The following DOK7 variants were observed in gnomAD, a reference collection of about 807,000 sequenced individuals.
DOK7 encodes the protein protein Dok-7.
Under a neutral mutation model 30.7 loss-of-function variants are expected in DOK7, and 32 were observed. The ratio of observed to expected loss-of-function variants is 1.04; its 90% CI spans 0.79 to 1.40. The LOEUF is 1.40. DOK7 is among the 40% of genes most tolerant of loss of function. The pLI, the probability that DOK7 is intolerant of heterozygous loss-of-function variation, is 0.00. For missense variants in DOK7, 1,007 were observed against 699.2 expected (o/e 1.44, Z -4.97); for synonymous variants, 447 against 324.1 (o/e 1.38, Z -4.07).
chr4:3,469,251 G>T (rs902406083), intron 2 of DOK7, among the ~76,000 whole-genome samples: 2 of 152,014 alleles, frequency 1.3e-5, no homozygotes, highest in Non-Finnish European at 2.9e-5. Flanking sequence ...GTTCCACATG[G>T]TCTCTGTGCC....
chr4:3,490,448 C>CT (rs1728239257), intron 6 of DOK7, among the ~76,000 whole-genome samples: 9 of 101,616 alleles, frequency 8.9e-5, no homozygotes, highest in African/African-American at 1.3e-4. Flanking sequence ...TCATTTCTCT[C>CT]CTGCTCATTC....
At position 3,500,058 on chromosome 4, in the gene DOK7, G is replaced by C. The variant is rs76371512; in HGVS notation, c.1109-193G>C. On this transcript the variant is annotated intron_variant, in intron 6 of 7. Coordinates refer to the DOK7 transcript ENST00000643608. ...CTTGGACCAGGAGTGGACAGTGTGG[G>C]GGGGGCCTCAGGATGGGGCAGCGCT... 0.094 allele frequency among the ~76,000 whole-genome samples: 14,346 copies of C among 151,982 alleles called. 914 individuals carry two copies. Among genetic ancestry groups the C allele is most frequent in the Non-Finnish European group, 0.13 (9,033 of 67,918 alleles).
At position 3,500,739 on chromosome 4, in the gene DOK7, A is replaced by ACGGCGCACAGAGTGGGGGTG; in HGVS notation, c.1314_1333dup (p.His445ArgfsTer123). 6.5e-7 allele frequency: 1 copy of ACGGCGCACAGAGTGGGGGTG among 1,535,426 alleles called. No homozygotes were observed. Among genetic ancestry groups the ACGGCGCACAGAGTGGGGGTG allele is most frequent in the African/African-American group, 1.4e-5 (1 of 73,114 alleles). On this transcript the variant is annotated frameshift_variant, in exon 8 of 8. Coordinates refer to the DOK7 transcript ENST00000643608. LOFTEE classifies it low-confidence loss of function (END_TRUNC). The stretch of plus-strand genomic sequence containing the variant: ...CCAGATCGACATCATGGCCACCGAG[A>ACGGCGCACAGAGTGGGGGTG]CGGCGCACAGAGTGGGGGTGCGGCA...
Position 3,489,785 on chromosome 4 carries a change from C to G in DOK7, c.761C>G (p.Pro254Arg), listed in dbSNP as rs200407250. ...AGCCTCCTCTCACATGCGGGCAGGC[C>G]GGGCAGTGGAGGTAGGGCCGGGGGC... is the stretch of plus-strand genomic sequence containing the variant. ...RLSLLSHAGR[P>R]GSGGDDRSLS... The change falls in exon 6 of 7, where the codon CCG (proline) becomes CGG (arginine). Residue 254 changes from proline (P) to arginine (R), a missense_variant. Physicochemically the swap from Pro to Arg is moderately radical, Grantham distance 103. Transcript: ENST00000340083. 3.5e-5 allele frequency: 55 copies of G among 1,574,152 alleles called. No homozygotes were observed. The highest frequency in any genetic ancestry group is 3.3e-4 in the Middle Eastern group (2 of 6,010).
chr4:3,476,352 C>A lies in DOK7; in HGVS notation c.342C>A (p.Phe114Leu), dbSNP rs771099758. The change falls in exon 4 of 7, where the codon TTC becomes TTA. Residue 114 changes from phenylalanine to leucine, a missense_variant. Phe to Leu is a conservative substitution (Grantham distance 22). Transcript: ENST00000340083. ...IRYALGEVHR[F>L]HVTVAPGTKL... ...CCCGCCTGCCCGCAGTGCATAGGTTCCATGTGACAGTGGCTCCAGGCACCA... is the reference window on the plus strand; with the variant it reads ...CCCGCCTGCCCGCAGTGCATAGGTTACATGTGACAGTGGCTCCAGGCACCA... 1 of 1,598,412 alleles carries A rather than the reference C, an allele frequency of 6.3e-7. No homozygotes were observed. The highest frequency in any genetic ancestry group is 8.5e-7 in the Non-Finnish European group (1 of 1,171,754).
chr4:3,492,935 C>G lies in DOK7; in HGVS notation c.949C>G (p.Pro317Ala). 1 of 1,557,502 alleles carries G rather than the reference C, an allele frequency of 6.4e-7. No individual in the cohort carries two copies. The highest frequency in any genetic ancestry group is 8.7e-7 in the Non-Finnish European group (1 of 1,154,608). The change falls in exon 7 of 7, where the codon CCA becomes GCA. Residue 317 changes from proline to alanine, a missense_variant. By Grantham distance (27) the Pro-to-Ala change is conservative. Transcript: ENST00000340083. ...AGEAMVGASR[P>A]PPKPLRPRQL... ...GGAAGCCATGGTGGGTGCCTCAAGG[C>G]CACCCCCCAAGCCGCTGCGTCCGCG... is the stretch of plus-strand genomic sequence containing the variant.
chr4:3,479,678 G>A (rs539407714), intron 4 of DOK7, among the ~76,000 whole-genome samples: 1 of 152,340 alleles, frequency 6.6e-6, no homozygotes, highest in African/African-American at 2.4e-5. Context: ...CTCATCCTGA[G>A]ACACTGGGCG....
At chr4:3,469,013 A>AGT (rs1194358284) in intron 2 of DOK7, among the ~76,000 whole-genome samples, 3 of 107,384 alleles carry the variant, frequency 2.8e-5, no homozygotes, top group African/African-American at 1.2e-4. Flanking sequence ...TGCGTGTATG[A>AGT]GTGTGTGTGC....
intron 6 of DOK7, among the ~76,000 whole-genome samples, chr4:3,491,877 G>C (rs993081848): frequency 6.6e-6 from 1 of 152,212 alleles, no homozygotes; most frequent in Non-Finnish European, 1.5e-5. Flanking sequence ...GTGGCTGCAT[G>C]GGTGACCTGT....
At chr4:3,500,659 C>G (rs2071701) in intron 7 of DOK7, 2 of 1,535,458 alleles carry the variant, frequency 1.3e-6, no homozygotes, top group Non-Finnish European at 1.7e-6. Context: ...TGGCTCGGGG[C>G]GCAGGCTGCC....
intron 5 of DOK7, 64 bp downstream of exon 5, chr4:3,485,722 C>T (rs890739734): frequency 9.5e-5 from 135 of 1,426,348 alleles, no homozygotes; most frequent in South Asian, 3.6e-4. Context: ...CGTCCCGGGG[C>T]GGGGGGCCAC....
Position 3,476,307 on chromosome 4 carries a change from C to T in DOK7, c.332-35C>T, listed in dbSNP as rs766633787. On this transcript the variant is annotated intron_variant, in intron 3 of 6. Transcript: ENST00000340083. ...GCCCGTGATGTCCTCTCACCCTGCCCGCCCGTGATGCCCTCTTGCCCCGCC... is the reference window on the plus strand; with the variant it reads ...GCCCGTGATGTCCTCTCACCCTGCCTGCCCGTGATGCCCTCTTGCCCCGCC... 60 of 1,423,608 alleles carry T rather than the reference C, an allele frequency of 4.2e-5. 16 individuals are homozygous for T. Among genetic ancestry groups the T allele is most frequent in the Middle Eastern group, 3.9e-4 (2 of 5,182 alleles). The allele number at this position is 1,423,608 out of a possible 1,614,324, so 88.2% of individuals were successfully genotyped here. A position where few individuals can be genotyped will look rare whatever the true frequency, so the allele number is the denominator to read the frequency against.
chr4:3,485,269 G>A (rs1727696000), intron 4 of DOK7: 3 of 390,350 alleles, frequency 7.7e-6, no homozygotes, highest in Admixed American at 9.1e-5. Context: ...TCACCCCAGC[G>A]CCCAAGTTTG....
intron 3 of DOK7, among the ~76,000 whole-genome samples, chr4:3,475,612 C>T (rs976808444): frequency 5.9e-5 from 9 of 152,152 alleles, no homozygotes; most frequent in African/African-American, 2.2e-4. Context: ...GGTGAATGGC[C>T]ACCTGGATGG....
chr4:3,472,703 G>A (rs530908839), intron 2 of DOK7, among the ~76,000 whole-genome samples: 8 of 152,230 alleles, frequency 5.3e-5, no homozygotes, highest in South Asian at 2.1e-4. Flanking sequence ...TGACAGTGAC[G>A]TTGGAAAATG....
chr4:3,465,190 G>C lies in DOK7; in HGVS notation c.100+1639G>C, dbSNP rs536961501. Reference sequence around the variant, plus strand: ...CTGACACCCTGTGGGGTTGCCCAGAGGTCGGTCAGATGAGGGGATGGGACA... The same window carrying C: ...CTGACACCCTGTGGGGTTGCCCAGACGTCGGTCAGATGAGGGGATGGGACA... On this transcript the variant is annotated intron_variant, in intron 2 of 6. Transcript: ENST00000340083. Among the ~76,000 whole-genome samples, 4 of 152,302 alleles carry C rather than the reference G, an allele frequency of 2.6e-5. No homozygotes were observed. In the East Asian group the frequency reaches 7.7e-4, roughly 29 times the overall value.
intron 5 of DOK7, among the ~76,000 whole-genome samples, chr4:3,489,142 G>A (rs1363508741): frequency 5.9e-5 from 9 of 152,262 alleles, no homozygotes; most frequent in Admixed American, 3.3e-4. Context: ...AGGTGGGGCC[G>A]AGGGTCCGCA....
intron 4 of DOK7, among the ~76,000 whole-genome samples, chr4:3,483,588 G>A (rs371404697): frequency 7.9e-5 from 12 of 152,200 alleles, no homozygotes; most frequent in African/African-American, 2.4e-4. Flanking sequence ...CCGTGTCTTC[G>A]GGGTGAGTGA....
chr4:3,470,837 G>A (rs1329413400), intron 2 of DOK7, among the ~76,000 whole-genome samples: 1 of 152,246 alleles, frequency 6.6e-6, no homozygotes, highest in Non-Finnish European at 1.5e-5. Context: ...AGTCCTGACT[G>A]TATTATTGGG....
Sources: gnomAD v4.1 joint callset for allele counts (sites outside exome capture counted in the v4.1 genomes callset) on GRCh38, gnomAD v4.1.1 for gene constraint, MANE v1.5 for transcripts, NCBI Gene and HGNC (gene_info 2026-07-23, HGNC 2026-07-21) for gene names.